MAST4: variants seen among roughly 807,000 people sequenced by gnomAD.
MAST4 encodes microtubule-associated serine/threonine-protein kinase 4.
A neutral mutation model predicts 162.7 loss-of-function variants in MAST4; 89 were observed. The ratio of observed to expected loss-of-function variants is 0.55; its 90% confidence interval spans 0.46 to 0.65. The LOEUF is 0.65. MAST4 is among the 30% of genes least tolerant of loss of function. The probability of loss-of-function intolerance (pLI) is 0.00; values close to 1 mark genes in which losing one functional copy is unlikely to be tolerated. For missense variants in MAST4, 3,153 were observed against 3,374.0 expected (o/e 0.93, Z 1.62); for synonymous variants, 1,479 against 1,361.1 (o/e 1.09, Z -1.91).
At chr5:66,997,849 A>C (rs1262045020) in intron 4 of MAST4, among the ~76,000 whole-genome samples, 3 of 152,236 alleles carry the variant, frequency 2.0e-5, no homozygotes, top group Non-Finnish European at 2.9e-5. Flanking sequence ...TATAGAAGTG[A>C]TATAACTTAA....
At chr5:66,735,421 C>T (rs1752098038) in intron 1 of MAST4, among the ~76,000 whole-genome samples, 1 of 152,074 alleles carries the variant, frequency 6.6e-6, no homozygotes, top group Non-Finnish European at 1.5e-5. Context: ...TTTATATGAA[C>T]ATATGTATTT....
intron 3 of MAST4, among the ~76,000 whole-genome samples, chr5:66,847,820 C>CAAAAAA (rs777825639): frequency 0.19 from 10,126 of 53,836 alleles, 1,781 homozygotes; most frequent in East Asian, 0.43. Flanking sequence ...GACTCCTTCT[C>CAAAAAA]AAAAAAAAAA....
intron 4 of MAST4, among the ~76,000 whole-genome samples, chr5:66,986,288 G>A (rs1312861818): frequency 6.6e-6 from 1 of 152,148 alleles, no homozygotes; most frequent in African/African-American, 2.4e-5. Context: ...TAAGTGCAGA[G>A]TCTGGAAAGG....
intron 1 of MAST4, among the ~76,000 whole-genome samples, chr5:66,751,831 A>C (rs1440388491): frequency 6.7e-6 from 1 of 149,006 alleles, no homozygotes; most frequent in Non-Finnish European, 1.5e-5. Flanking sequence ...CAACTCCAAG[A>C]CACATAATTG....
chr5:66,610,560 C>T (rs1743224314), intron 1 of MAST4, among the ~76,000 whole-genome samples: 1 of 152,182 alleles, frequency 6.6e-6, no homozygotes, highest in Admixed American at 6.5e-5. Context: ...CCGCTCCTGC[C>T]CCTTGGGGTG....
intron 4 of MAST4, among the ~76,000 whole-genome samples, chr5:66,945,562 G>T (rs1177045620): frequency 6.6e-5 from 10 of 152,048 alleles, no homozygotes; most frequent in African/African-American, 2.4e-4. Context: ...CCTCAGAGAT[G>T]AAAGTAAACT....
At chr5:66,643,947 T>C (rs1447176146) in intron 1 of MAST4, among the ~76,000 whole-genome samples, 1 of 151,890 alleles carries the variant, frequency 6.6e-6, no homozygotes, top group Non-Finnish European at 1.5e-5. Context: ...AAATGAATTT[T>C]GATCAAGAGT....
At chr5:66,747,898 G>C (rs1176864509) in intron 1 of MAST4, among the ~76,000 whole-genome samples, 1 of 152,200 alleles carries the variant, frequency 6.6e-6, no homozygotes, top group Admixed American at 6.5e-5. Context: ...GAAGGGTGAG[G>C]GGGTGGAGGG....
intron 4 of MAST4, among the ~76,000 whole-genome samples, chr5:67,025,873 C>T (rs975465826): frequency 6.6e-5 from 10 of 152,294 alleles, no homozygotes; most frequent in Middle Eastern, 3.4e-3. Flanking sequence ...CCCTGTACTT[C>T]GTGTAGTACT....
chr5:66,989,343 C>T (rs991120837), intron 4 of MAST4, among the ~76,000 whole-genome samples: 4 of 152,190 alleles, frequency 2.6e-5, no homozygotes, highest in Admixed American at 2.6e-4. Flanking sequence ...CTCATCAAGG[C>T]TTCAGAAATA....
chr5:66,680,884 G>A (rs4132278), intron 1 of MAST4, among the ~76,000 whole-genome samples: 2,312 of 152,284 alleles, frequency 0.015, 29 homozygotes, highest in Non-Finnish European at 0.022. Context: ...AAGCGCACCC[G>A]AAGACATGCC....
intron 4 of MAST4, among the ~76,000 whole-genome samples, chr5:67,026,903 T>A (rs1034942779): frequency 6.6e-6 from 1 of 152,128 alleles, no homozygotes; most frequent in Non-Finnish European, 1.5e-5. Flanking sequence ...TTAATGCAGA[T>A]GAAAGAGAAA....
At chr5:66,950,945 A>G (rs1744606359) in intron 4 of MAST4, among the ~76,000 whole-genome samples, 1 of 152,186 alleles carries the variant, frequency 6.6e-6, no homozygotes, top group Non-Finnish European at 1.5e-5. Context: ...TATGTTTGCA[A>G]GGTTCATCCA....
At chr5:66,621,946 G>A (rs1402740246) in intron 1 of MAST4, among the ~76,000 whole-genome samples, 1 of 152,180 alleles carries the variant, frequency 6.6e-6, no homozygotes, top group Non-Finnish European at 1.5e-5. Context: ...TGTAGTGTGA[G>A]AGCAGCCATA....
chr5:66,880,186 A>G (rs74911958), intron 3 of MAST4, among the ~76,000 whole-genome samples: 6,694 of 152,262 alleles, frequency 0.044, 206 homozygotes, highest in Non-Finnish European at 0.061. Context: ...TAGGCTTAAT[A>G]TGTTTCATTT....
intron 14 of MAST4, among the ~76,000 whole-genome samples, chr5:67,129,224 G>A (rs72763056): frequency 0.054 from 8,264 of 152,210 alleles, 313 homozygotes; most frequent in Non-Finnish European, 0.08. Flanking sequence ...CTGTTGAAAC[G>A]GCCATGGGGT....
At chr5:66,876,143 C>T (rs1370531856) in intron 3 of MAST4, among the ~76,000 whole-genome samples, 1 of 152,162 alleles carries the variant, frequency 6.6e-6, no homozygotes, top group East Asian at 1.9e-4. Context: ...ATATAAATTG[C>T]AGTGTTTAAT....
At chr5:66,932,278 T>A (rs2150077034) in intron 4 of MAST4, among the ~76,000 whole-genome samples, 1 of 152,288 alleles carries the variant, frequency 6.6e-6, no homozygotes, top group Admixed American at 6.5e-5. Flanking sequence ...AGGGGTTCAG[T>A]CCTAGAAATG....
chr5:66,832,230 T>G (rs1757655190), intron 3 of MAST4, among the ~76,000 whole-genome samples: 1 of 152,108 alleles, frequency 6.6e-6, no homozygotes, highest in Admixed American at 6.6e-5. Flanking sequence ...ATATTACCAT[T>G]TCCATCCACT....
Sources: gnomAD v4.1 joint callset for allele counts (sites outside exome capture counted in the v4.1 genomes callset) on GRCh38, gnomAD v4.1.1 for gene constraint, MANE v1.5 for transcripts, NCBI Gene and HGNC (gene_info 2026-07-23, HGNC 2026-07-21) for gene names.